The following GRIK1 variants were observed in gnomAD, a reference collection of about 807,000 sequenced individuals.
The protein encoded by GRIK1 is glutamate ionotropic receptor kainate type subunit 1, also known as glutamate receptor ionotropic, kainate 1.
In GRIK1, 69 loss-of-function variants were observed where a neutral mutation model predicts 105.7. The ratio of observed to expected loss-of-function variants is 0.65; its 90% CI spans 0.54 to 0.80. The LOEUF (loss-of-function observed/expected upper bound fraction) is 0.80. Among genes scored for constraint, GRIK1 ranks in the 30% least tolerant of loss-of-function variants. The pLI is 0.00. For synonymous variants in GRIK1, 438 were observed against 431.3 expected (o/e 1.02, Z -0.19); for missense variants, 1,109 against 1,167.3 (o/e 0.95, Z 0.73).
At chr21:29,897,023 T>G (rs1231978249) in intron 1 of GRIK1, among the ~76,000 whole-genome samples, 1 of 152,124 alleles carries the variant, frequency 6.6e-6, no homozygotes, top group Non-Finnish European at 1.5e-5. Flanking sequence ...AACTCAAATT[T>G]CCTTACAATG....
At chr21:29,900,252 A>G (rs1280276656) in intron 1 of GRIK1, among the ~76,000 whole-genome samples, 1 of 152,064 alleles carries the variant, frequency 6.6e-6, no homozygotes, top group African/African-American at 2.4e-5. Context: ...AGCTAGCATC[A>G]TAATGACAGG....
chr21:29,660,948 A>T (rs1862483605), intron 4 of GRIK1, among the ~76,000 whole-genome samples: 1 of 152,198 alleles, frequency 6.6e-6, no homozygotes, highest in South Asian at 2.1e-4. Flanking sequence ...CCGAGCAGCA[A>T]TTTTAAGATG....
At chr21:29,629,493 C>CT (rs200848968) in intron 7 of GRIK1, among the ~76,000 whole-genome samples, 8,102 of 147,554 alleles carry the variant, frequency 0.055, 262 homozygotes, top group Non-Finnish European at 0.071. Flanking sequence ...AATTTTCTTT[C>CT]TTTCTTTTTT....
intron 14 of GRIK1, among the ~76,000 whole-genome samples, chr21:29,564,273 A>G (rs909405361): frequency 5.9e-5 from 9 of 151,390 alleles, no homozygotes; most frequent in East Asian, 3.9e-4. Context: ...TCAGCCTCCC[A>G]AGTAGCTGGG....
chr21:29,810,831 T>C (rs2066990901), intron 1 of GRIK1, among the ~76,000 whole-genome samples: 1 of 152,122 alleles, frequency 6.6e-6, no homozygotes. Flanking sequence ...ATTTTCATGC[T>C]TGTGCATAAC....
At chr21:29,699,647 A>G (rs1191666084) in intron 1 of GRIK1, among the ~76,000 whole-genome samples, 1 of 148,806 alleles carries the variant, frequency 6.7e-6, no homozygotes, top group Non-Finnish European at 1.5e-5. Context: ...TACATTTATC[A>G]GCATCTTTTT....
At chr21:29,889,489 C>G (rs455370) in intron 1 of GRIK1, among the ~76,000 whole-genome samples, 1 of 151,506 alleles carries the variant, frequency 6.6e-6, no homozygotes, top group Non-Finnish European at 1.5e-5. Context: ...CAATTTTTTC[C>G]TTCTCCTTCT....
At chr21:29,635,620 G>C (rs1283879369) in intron 7 of GRIK1, among the ~76,000 whole-genome samples, 2 of 152,238 alleles carry the variant, frequency 1.3e-5, no homozygotes, top group Non-Finnish European at 2.9e-5. Context: ...GTGCTAACCA[G>C]AGTTGACCAA....
intron 15 of GRIK1, among the ~76,000 whole-genome samples, chr21:29,557,310 T>C (rs2090282434): frequency 6.6e-6 from 1 of 152,174 alleles, no homozygotes; most frequent in Non-Finnish European, 1.5e-5. Flanking sequence ...GAAGAAATCT[T>C]AGGAATGATA....
At chr21:29,555,978 T>C (rs547230856) in intron 15 of GRIK1, among the ~76,000 whole-genome samples, 2 of 152,304 alleles carry the variant, frequency 1.3e-5, no homozygotes, top group Admixed American at 1.3e-4. Context: ...CCAGCCCCTG[T>C]TCCACCAGAT....
rs779677938 is a variant in GRIK1 at position 29,577,187 on chromosome 21, A to T, written c.1913-6T>A. ...TTTGGGCATCAGCTCTGATCCTGTGATGGTATCATCAGAGTAAGGGTGTTA... is the reference window on the plus strand; with the variant it reads ...TTTGGGCATCAGCTCTGATCCTGTGTTGGTATCATCAGAGTAAGGGTGTTA... On this transcript the variant is annotated splice_polypyrimidine_tract_variant and splice_region_variant and intron_variant, in intron 13 of 17. Transcript: ENST00000327783. 1 of 1,514,252 alleles carries T rather than the reference A, an allele frequency of 6.6e-7. No individual in the cohort carries two copies. The highest frequency in any genetic ancestry group is 9.2e-7 in the Non-Finnish European group (1 of 1,089,148). The allele number at this position is 1,514,252 out of a possible 1,614,324, so 93.8% of individuals were successfully genotyped here.
At chr21:29,863,550 A>G (rs948435991) in intron 1 of GRIK1, among the ~76,000 whole-genome samples, 1 of 152,204 alleles carries the variant, frequency 6.6e-6, no homozygotes, top group Admixed American at 6.5e-5. Flanking sequence ...TGTTCACACT[A>G]GTTGTCCTGG....
At chr21:29,558,679 C>T (rs2090317053) in intron 15 of GRIK1, among the ~76,000 whole-genome samples, 1 of 150,432 alleles carries the variant, frequency 6.6e-6, no homozygotes, top group Non-Finnish European at 1.5e-5. Context: ...TGAATGGGTA[C>T]CTTTGGATCT....
At chr21:29,734,371 C>G (rs1053532145) in intron 1 of GRIK1, among the ~76,000 whole-genome samples, 1 of 33,176 alleles carries the variant, frequency 3.0e-5, no homozygotes, top group East Asian at 1.0e-3. Context: ...CTTTTCTTTT[C>G]TTTTCTTTTC....
intron 3 of GRIK1, among the ~76,000 whole-genome samples, chr21:29,681,564 A>G (rs2063377583): frequency 6.6e-6 from 1 of 152,138 alleles, no homozygotes; most frequent in Non-Finnish European, 1.5e-5. Flanking sequence ...CTCAAGCCTC[A>G]TCTGTGCAAT....
chr21:29,612,640 G>A (rs1336539118), intron 7 of GRIK1, among the ~76,000 whole-genome samples: 1 of 152,078 alleles, frequency 6.6e-6, no homozygotes, highest in Admixed American at 6.6e-5. Flanking sequence ...ACATCACACG[G>A]CAATCCATGA....
chr21:29,694,242 G>T (rs7276798), intron 1 of GRIK1, among the ~76,000 whole-genome samples, 179 bp from the exon 2 acceptor site: 4,846 of 147,696 alleles, frequency 0.033, 253 homozygotes, highest in African/African-American at 0.11. Flanking sequence ...TCCTGCCTCA[G>T]CCTCCCGAGT....
intron 1 of GRIK1, among the ~76,000 whole-genome samples, chr21:29,743,992 C>A (rs371648400): frequency 1.3e-5 from 2 of 152,272 alleles, no homozygotes; most frequent in African/African-American, 4.8e-5. Context: ...GGCTTACCAC[C>A]TGGGTGATGA....
At chr21:29,616,016 C>T (rs550255011) in intron 7 of GRIK1, among the ~76,000 whole-genome samples, 1 of 152,284 alleles carries the variant, frequency 6.6e-6, no homozygotes, top group African/African-American at 2.4e-5. Context: ...GGAAATTTGC[C>T]CCAATTCCCA....
Sources: gnomAD v4.1 joint callset for allele counts (sites outside exome capture counted in the v4.1 genomes callset) on GRCh38, gnomAD v4.1.1 for gene constraint, MANE v1.5 for transcripts, NCBI Gene and HGNC (gene_info 2026-07-23, HGNC 2026-07-21) for gene names.